Variants in ASAH2B observed in about 807,000 individuals in gnomAD.
The protein encoded by ASAH2B is N-acylsphingosine amidohydrolase 2B, also known as putative inactive neutral ceramidase B.
Under a neutral mutation model 2.9 loss-of-function variants are expected in ASAH2B, and 1 was observed. The ratio of observed to expected loss-of-function variants is 0.34; its 90% CI spans 0.12 to 1.63. ASAH2B has a LOEUF of 1.63. Ranked by LOEUF, ASAH2B falls within the 40% of genes most tolerant of loss-of-function variation. The probability of loss-of-function intolerance (pLI) is 0.36; values close to 1 mark genes in which losing one functional copy is unlikely to be tolerated. For synonymous variants in ASAH2B, 4 were observed against 13.3 expected (o/e 0.30, Z 1.52); for missense variants, 9 against 37.7 (o/e 0.24, Z 1.99).
chr10:50,747,074 A>C (rs1839918659), intron 3 of ASAH2B, among the ~76,000 whole-genome samples: 1 of 150,644 alleles, frequency 6.6e-6, no homozygotes, highest in African/African-American at 2.5e-5. Flanking sequence ...AAAAAAACAA[A>C]CATCACCTAC....
intron 3 of ASAH2B, among the ~76,000 whole-genome samples, chr10:50,748,107 G>A (rs911128664): frequency 5.4e-5 from 8 of 148,344 alleles, no homozygotes; most frequent in Non-Finnish European, 1.0e-4. Flanking sequence ...CATCAATTTT[G>A]TGTCTTTCTA....
At chr10:50,751,557 C>T (rs1326654662) in intron 4 of ASAH2B, among the ~76,000 whole-genome samples, 4 of 151,526 alleles carry the variant, frequency 2.6e-5, no homozygotes, top group South Asian at 4.1e-4. Flanking sequence ...TTACAGGTTC[C>T]TATGGTTATG....
rs1837119887 is a variant in ASAH2B at position 50,757,469 on chromosome 10, A to G, written c.*2729A>G. 1 of 149,744 alleles carries G rather than the reference A, an allele frequency of 6.7e-6. No homozygotes were observed. Among genetic ancestry groups the G allele is most frequent in the Non-Finnish European group, 1.5e-5 (1 of 66,894 alleles). 9.3% of individuals were successfully genotyped at this position (149,744 alleles called of 1,614,324 possible). On this transcript the variant is annotated 3_prime_UTR_variant, in exon 6 of 6. Transcript: ENST00000647317. ...TCCTAGGCAGGTAGCTAACTATGAA[A>G]TTGTTTCCTGCGCTAATTCTGAACA...
chr10:50,746,287 C>T (rs1193178462), intron 3 of ASAH2B, among the ~76,000 whole-genome samples: 1 of 151,424 alleles, frequency 6.6e-6, no homozygotes, highest in African/African-American at 2.4e-5. Context: ...TTCACTGAAT[C>T]TAATGTTCTC....
chr10:50,741,330 T>C (rs992047132), intron 1 of ASAH2B, among the ~76,000 whole-genome samples: 6 of 152,224 alleles, frequency 3.9e-5, no homozygotes, highest in Admixed American at 1.3e-4. Flanking sequence ...TGACAGATAC[T>C]GTGCTAGCCA....
chr10:50,754,263 C>T (rs1324697811), intron 5 of ASAH2B, among the ~76,000 whole-genome samples: 1 of 144,754 alleles, frequency 6.9e-6, no homozygotes, highest in Non-Finnish European at 1.5e-5. Context: ...GGAGAGACAT[C>T]TTGTGGCTAT....
chr10:50,742,196 A>G (rs1839841369), intron 1 of ASAH2B, among the ~76,000 whole-genome samples: 1 of 152,248 alleles, frequency 6.6e-6, no homozygotes, highest in Non-Finnish European at 1.5e-5. Context: ...GTACCTTAGG[A>G]GAAAGTAAGA....
intron 2 of ASAH2B, among the ~76,000 whole-genome samples, chr10:50,743,399 C>G (rs911660060): frequency 7.3e-5 from 11 of 150,792 alleles, no homozygotes; most frequent in Non-Finnish European, 1.3e-4. Context: ...TTGCCAGATT[C>G]TCCCCACTCA....
intron 5 of ASAH2B, among the ~76,000 whole-genome samples, chr10:50,754,065 C>G (rs1837028569): frequency 6.9e-6 from 1 of 145,264 alleles, no homozygotes; most frequent in Admixed American, 6.8e-5. Context: ...GGGACCATAT[C>G]TATCTTGCTC....
rs1837096304 is a variant in ASAH2B at position 50,756,661 on chromosome 10, C to G, written c.*1921C>G. On this transcript the variant is annotated 3_prime_UTR_variant, in exon 6 of 6. Coordinates refer to ENST00000647317, the MANE Select transcript of ASAH2B (RefSeq NM_001321958.2). ...GCCACTGTATCATCTACTGATCCTT[C>G]TGCACCTAGCACTCTTGGCTCCAGA... 1 of 152,078 alleles carries G rather than the reference C, an allele frequency of 6.6e-6. No individual in the cohort carries two copies. The highest frequency in any genetic ancestry group is 2.4e-5 in the African/African-American group (1 of 41,444). 9.4% of individuals were successfully genotyped at this position (152,078 alleles called of 1,614,324 possible).
Position 50,757,523 on chromosome 10 carries a change from A to G in ASAH2B, c.*2783A>G, listed in dbSNP as rs1381845766. On this transcript the variant is annotated 3_prime_UTR_variant, in exon 6 of 6. Transcript: ENST00000647317. Reference sequence around the variant, plus strand: ...AGACCAAGAATGAATTTACTTATGAATGTCCTTTTCTAATGTGCCCTCTTA... The same window carrying G: ...AGACCAAGAATGAATTTACTTATGAGTGTCCTTTTCTAATGTGCCCTCTTA... 2 of 147,168 alleles carry G rather than the reference A, an allele frequency of 1.4e-5. No individual in the cohort carries two copies. The highest frequency in any genetic ancestry group is 4.9e-5 in the African/African-American group (2 of 40,776). 9.1% of individuals were successfully genotyped at this position (147,168 alleles called of 1,614,324 possible).
intron 1 of ASAH2B, among the ~76,000 whole-genome samples, chr10:50,742,452 G>A (rs1044610283): frequency 2.0e-5 from 3 of 152,206 alleles, no homozygotes; most frequent in Non-Finnish European, 4.4e-5. Context: ...AAGGCCTGGA[G>A]GTCAGCTAAA....
At chr10:50,754,375 A>G (rs1389529901) in intron 5 of ASAH2B, among the ~76,000 whole-genome samples, 176 bp from the exon 6 acceptor site, 3 of 117,654 alleles carry the variant, frequency 2.5e-5, no homozygotes, top group African/African-American at 1.1e-4. Context: ...TCTCTTCTAG[A>G]AAATAGACGT....
intron 1 of ASAH2B, among the ~76,000 whole-genome samples, chr10:50,742,414 T>A (rs1839844378): frequency 6.6e-6 from 1 of 152,214 alleles, no homozygotes; most frequent in Admixed American, 6.5e-5. Flanking sequence ...TTAGATTTGA[T>A]AACTTTGAAG....
chr10:50,747,341 T>C (rs1352322059), intron 3 of ASAH2B, among the ~76,000 whole-genome samples: 2 of 151,468 alleles, frequency 1.3e-5, no homozygotes, highest in Admixed American at 1.3e-4. Context: ...TGTGTACCAA[T>C]GGTGTGTTGA....
rs533459084 is a variant in ASAH2B, at chr10:50,742,639, T to A, written c.-99-276T>A. Among the ~76,000 whole-genome samples, 119 of 152,212 alleles carry A rather than the reference T, an allele frequency of 7.8e-4. 1 individual carries two copies. The highest frequency in any genetic ancestry group is 1.1e-3 in the Non-Finnish European group (76 of 68,014). ...ACAAGTACTTATAATAGACTAAAGC[T>A]TAGGAGCTAGCACCGTCTTTCATAG... is the stretch of plus-strand genomic sequence containing the variant. On this transcript the variant is annotated intron_variant, in intron 1 of 5. Coordinates refer to ENST00000647317, the MANE Select transcript of ASAH2B (RefSeq NM_001321958.2).
chr10:50,759,021 G>A lies in ASAH2B; in HGVS notation c.*4281G>A, dbSNP rs1837150657. On this transcript the variant is annotated 3_prime_UTR_variant, in exon 6 of 6. Coordinates refer to ENST00000647317, the MANE Select transcript of ASAH2B (RefSeq NM_001321958.2). ...TGTATGTGTGTATTAGTTTGTGTTT[G>A]TGTTTGTGTACTGGGCAAATAGACT... is the stretch of plus-strand genomic sequence containing the variant. 6.6e-6 allele frequency: 1 copy of A among 151,288 alleles called. No individual in the cohort carries two copies. The highest frequency in any genetic ancestry group is 2.0e-4 in the East Asian group (1 of 5,124). The allele number at this position is 151,288 out of a possible 1,614,324, so 9.4% of individuals were successfully genotyped here.
At chr10:50,745,686 G>A (rs958640103) in intron 3 of ASAH2B, among the ~76,000 whole-genome samples, 1 of 149,692 alleles carries the variant, frequency 6.7e-6, no homozygotes, top group Non-Finnish European at 1.5e-5. Context: ...TGAGAAGAGG[G>A]GAGTCTGGAT....
intron 1 of ASAH2B, among the ~76,000 whole-genome samples, chr10:50,740,683 T>C (rs192371033): frequency 5.7e-4 from 87 of 152,360 alleles, no homozygotes; most frequent in African/African-American, 2.1e-3. Context: ...ATACAGGACC[T>C]TAATTGAATG....
Sources: gnomAD v4.1 joint callset for allele counts (sites outside exome capture counted in the v4.1 genomes callset) on GRCh38, gnomAD v4.1.1 for gene constraint, MANE v1.5 for transcripts, NCBI Gene and HGNC (gene_info 2026-07-23, HGNC 2026-07-21) for gene names.